CNTNAP2: variants seen among roughly 807,000 people sequenced by gnomAD.
The protein encoded by CNTNAP2 is contactin associated protein 2, also known as contactin-associated protein-like 2.
CNTNAP2 carries 98 observed loss-of-function variants against 155.2 expected under a neutral mutation model. The ratio of observed to expected loss-of-function variants is 0.63; its 90% CI spans 0.54 to 0.75. The LOEUF is 0.75. CNTNAP2 is among the 30% of genes least tolerant of loss of function. The pLI is 0.00. For missense variants in CNTNAP2, 1,727 were observed against 1,688.1 expected (o/e 1.02, Z -0.40); for synonymous variants, 651 against 631.2 (o/e 1.03, Z -0.47).
At chr7:147,563,455 C>T (rs1407230414) in intron 12 of CNTNAP2, among the ~76,000 whole-genome samples, 1 of 151,862 alleles carries the variant, frequency 6.6e-6, no homozygotes, top group Non-Finnish European at 1.5e-5. Flanking sequence ...ATGAGGAAAC[C>T]CTGTCTCTAC....
At chr7:146,902,237 G>T (rs1050876285) in intron 3 of CNTNAP2, among the ~76,000 whole-genome samples, 1 of 152,262 alleles carries the variant, frequency 6.6e-6, no homozygotes, top group Admixed American at 6.5e-5. Context: ...GGCAGTGAGT[G>T]TAGGGGAGAT....
chr7:146,732,388 T>A (rs1406507671), intron 1 of CNTNAP2, among the ~76,000 whole-genome samples: 1 of 152,158 alleles, frequency 6.6e-6, no homozygotes, highest in Non-Finnish European at 1.5e-5. Context: ...TTGAAATTTA[T>A]CGTGTACTCC....
intron 1 of CNTNAP2, among the ~76,000 whole-genome samples, chr7:146,307,536 A>T (rs1390752572): frequency 3.3e-5 from 5 of 152,138 alleles, no homozygotes. Context: ...ATCCTAAGCC[A>T]AAAGAACAAA....
intron 3 of CNTNAP2, among the ~76,000 whole-genome samples, chr7:146,966,621 G>A (rs1345772327): frequency 6.6e-6 from 1 of 152,148 alleles, no homozygotes; most frequent in Non-Finnish European, 1.5e-5. Flanking sequence ...TGATTCTTAG[G>A]TTCCTGTGTT....
intron 13 of CNTNAP2, among the ~76,000 whole-genome samples, chr7:147,650,893 A>T (rs1795440222): frequency 6.6e-6 from 1 of 152,202 alleles, no homozygotes; most frequent in South Asian, 2.1e-4. Flanking sequence ...AAAAAATCTT[A>T]ACTAGTATGT....
chr7:148,049,502 AC>A (rs1171683553), intron 15 of CNTNAP2, among the ~76,000 whole-genome samples: 6 of 152,060 alleles, frequency 3.9e-5, no homozygotes, highest in African/African-American at 1.5e-4. Flanking sequence ...CAAAATTAAA[AC>A]TAGTAAAGTG....
At chr7:146,913,752 T>A (rs1042968459) in intron 3 of CNTNAP2, among the ~76,000 whole-genome samples, 2 of 151,438 alleles carry the variant, frequency 1.3e-5, no homozygotes, top group African/African-American at 4.8e-5. Context: ...TATCAACATA[T>A]GGATTCTTTT....
chr7:147,914,959 C>T (rs1800134900), intron 14 of CNTNAP2, among the ~76,000 whole-genome samples: 1 of 152,152 alleles, frequency 6.6e-6, no homozygotes, highest in Non-Finnish European at 1.5e-5. Context: ...GGATGTAGGA[C>T]TTTATGGAGG....
chr7:147,168,341 T>G (rs1802162066), intron 8 of CNTNAP2, among the ~76,000 whole-genome samples: 1 of 151,918 alleles, frequency 6.6e-6, no homozygotes, highest in Non-Finnish European at 1.5e-5. Flanking sequence ...ATTACTGATG[T>G]TATTTTAAGA....
intron 15 of CNTNAP2, among the ~76,000 whole-genome samples, chr7:147,998,973 A>G (rs1400137842): frequency 2.0e-5 from 3 of 152,258 alleles, no homozygotes; most frequent in Non-Finnish European, 4.4e-5. Flanking sequence ...CAAATAAAAC[A>G]AACATTGCCA....
chr7:146,414,197 G>C (rs894289939), intron 1 of CNTNAP2, among the ~76,000 whole-genome samples: 1 of 151,934 alleles, frequency 6.6e-6, no homozygotes, highest in Non-Finnish European at 1.5e-5. Context: ...AAATTTATTC[G>C]TGATTCTTAG....
chr7:146,143,828 T>G (rs979866607), intron 1 of CNTNAP2, among the ~76,000 whole-genome samples: 1 of 152,034 alleles, frequency 6.6e-6, no homozygotes, highest in South Asian at 2.1e-4. Context: ...AGTGGCACAG[T>G]CTTGGCTCAC....
intron 1 of CNTNAP2, among the ~76,000 whole-genome samples, chr7:146,734,438 A>C (rs1801577006): frequency 6.6e-6 from 1 of 152,152 alleles, no homozygotes; most frequent in South Asian, 2.1e-4. Context: ...AGTATATCTG[A>C]AGATTTATGT....
chr7:147,470,952 C>T (rs1584753637), intron 10 of CNTNAP2, among the ~76,000 whole-genome samples: 1 of 152,018 alleles, frequency 6.6e-6, no homozygotes, highest in Non-Finnish European at 1.5e-5. Flanking sequence ...AAGATTGAGC[C>T]GGCAGCAAAA....
chr7:147,194,525 A>T (rs954540581), intron 8 of CNTNAP2, among the ~76,000 whole-genome samples: 20 of 152,112 alleles, frequency 1.3e-4, no homozygotes, highest in Admixed American at 3.9e-4. Flanking sequence ...GGTTGAACTA[A>T]TTTACACTCC....
chr7:146,248,761 CAG>C (rs1799707694), intron 1 of CNTNAP2, among the ~76,000 whole-genome samples: 1 of 152,248 alleles, frequency 6.6e-6, no homozygotes, highest in Non-Finnish European at 1.5e-5. Flanking sequence ...AACAGGAGGA[CAG>C]GGGATTGATC....
chr7:147,740,182 G>T (rs1265058300), intron 13 of CNTNAP2, among the ~76,000 whole-genome samples: 1 of 152,170 alleles, frequency 6.6e-6, no homozygotes, highest in South Asian at 2.1e-4. Flanking sequence ...TGCTTCGCAG[G>T]TTAAAATCAT....
intron 8 of CNTNAP2, among the ~76,000 whole-genome samples, chr7:147,189,969 C>A (rs1278619702): frequency 6.6e-6 from 1 of 152,170 alleles, no homozygotes; most frequent in East Asian, 1.9e-4. Context: ...TGATCTCCAT[C>A]TCTTGACCTC....
intron 1 of CNTNAP2, among the ~76,000 whole-genome samples, chr7:146,558,336 A>G (rs1053515764): frequency 6.6e-6 from 1 of 152,196 alleles, no homozygotes; most frequent in African/African-American, 2.4e-5. Context: ...CTGCATGATG[A>G]TAATGAAAAT....
Sources: allele counts gnomAD v4.1 joint callset (sites outside exome capture counted in the v4.1 genomes callset), GRCh38; gene constraint gnomAD v4.1.1; transcripts MANE v1.5; gene names NCBI Gene and HGNC (gene_info 2026-07-23, HGNC 2026-07-21).